The following INPP4B variants were observed in gnomAD, a reference collection of about 807,000 sequenced individuals.
INPP4B encodes the protein inositol polyphosphate-4-phosphatase type II B.
INPP4B carries 55 observed loss-of-function variants against 122.5 expected under a neutral mutation model. The ratio of observed to expected loss-of-function variants is 0.45; its 90% CI spans 0.36 to 0.56. The LOEUF (loss-of-function observed/expected upper bound fraction) is 0.56, where lower values mean the gene tolerates loss of function less well. Among genes scored for constraint, INPP4B ranks in the 20% least tolerant of loss-of-function variants. The pLI, the probability that INPP4B is intolerant of heterozygous loss-of-function variation, is 0.00. For missense variants in INPP4B, 1,000 were observed against 1,097.7 expected (o/e 0.91, Z 1.26); for synonymous variants, 403 against 388.7 (o/e 1.04, Z -0.43).
intron 23 of INPP4B, among the ~76,000 whole-genome samples, chr4:142,100,305 G>A (rs546113987): frequency 2.0e-5 from 3 of 152,058 alleles, no homozygotes; most frequent in Non-Finnish European, 4.4e-5. Context: ...CCTGGAAGTG[G>A]TTATATCTTT....
chr4:142,315,755 A>G (rs1767365709), intron 7 of INPP4B, among the ~76,000 whole-genome samples: 1 of 151,740 alleles, frequency 6.6e-6, no homozygotes. Flanking sequence ...TTAAATGAAT[A>G]TAAAGCAATA....
intron 3 of INPP4B, among the ~76,000 whole-genome samples, chr4:142,454,408 T>C (rs2149531989): frequency 6.6e-6 from 1 of 152,238 alleles, no homozygotes; most frequent in East Asian, 1.9e-4. Flanking sequence ...TGTTTACTAC[T>C]TAAAACCCAC....
chr4:142,668,831 G>A (rs554596515), intron 2 of INPP4B, among the ~76,000 whole-genome samples: 42 of 151,784 alleles, frequency 2.8e-4, no homozygotes, highest in East Asian at 1.9e-4. Flanking sequence ...GGCAGATCAC[G>A]AGGTCAGGAG....
At chr4:142,540,399 G>A (rs1271843062) in intron 2 of INPP4B, among the ~76,000 whole-genome samples, 1 of 151,724 alleles carries the variant, frequency 6.6e-6, no homozygotes, top group Non-Finnish European at 1.5e-5. Context: ...TACTGAAAAT[G>A]GTAACTCTCA....
At chr4:142,192,217 C>T (rs186443471) in intron 15 of INPP4B, among the ~76,000 whole-genome samples, 185 of 150,776 alleles carry the variant, frequency 1.2e-3, no homozygotes, top group Non-Finnish European at 1.8e-3. Flanking sequence ...AGATACTACG[C>T]TTATTACTTC....
intron 1 of INPP4B, among the ~76,000 whole-genome samples, chr4:142,839,382 C>T (rs1207592779): frequency 2.0e-5 from 3 of 152,016 alleles, no homozygotes; most frequent in Admixed American, 1.3e-4. Context: ...CACTGGAACC[C>T]GGGAGGCAGA....
At chr4:142,738,265 A>G (rs1004878374) in intron 1 of INPP4B, among the ~76,000 whole-genome samples, 1 of 152,206 alleles carries the variant, frequency 6.6e-6, no homozygotes, top group African/African-American at 2.4e-5. Context: ...TACACCATGG[A>G]ATACTATGCA....
chr4:142,705,458 A>AACACACACACACACACACACAC (rs56300337), intron 2 of INPP4B, among the ~76,000 whole-genome samples: 3 of 146,206 alleles, frequency 2.1e-5, no homozygotes, highest in African/African-American at 7.7e-5. Context: ...TCCCACCCCA[A>AACACACACACACACACACACAC]ACACACACAC....
At chr4:142,469,515 C>T (rs999579695) in intron 2 of INPP4B, among the ~76,000 whole-genome samples, 17 of 151,836 alleles carry the variant, frequency 1.1e-4, no homozygotes, top group African/African-American at 4.1e-4. Flanking sequence ...TTCCAAAGTT[C>T]ATTTGAAGAA....
chr4:142,397,770 T>C (rs1389584947), intron 7 of INPP4B, among the ~76,000 whole-genome samples: 3 of 151,276 alleles, frequency 2.0e-5, no homozygotes, highest in Non-Finnish European at 2.9e-5. Context: ...ACCTGGGAGG[T>C]GGAGGTTGCA....
At chr4:142,158,772 G>A (rs1818527244) in intron 17 of INPP4B, among the ~76,000 whole-genome samples, 1 of 151,528 alleles carries the variant, frequency 6.6e-6, no homozygotes. Flanking sequence ...GAAGGAGAGG[G>A]ACTATTTTCA....
At chr4:142,562,745 A>G (rs570750249) in intron 2 of INPP4B, among the ~76,000 whole-genome samples, 107 of 152,336 alleles carry the variant, frequency 7.0e-4, no homozygotes, top group Middle Eastern at 3.4e-3. Context: ...AGAGAAATAA[A>G]GAGAAAATAA....
intron 15 of INPP4B, among the ~76,000 whole-genome samples, chr4:142,181,017 G>A (rs964015408): frequency 6.6e-6 from 1 of 152,186 alleles, no homozygotes; most frequent in Non-Finnish European, 1.5e-5. Context: ...GGTAATCAGT[G>A]GATCATGTGT....
chr4:142,256,801 T>A (rs1406529930), intron 11 of INPP4B, among the ~76,000 whole-genome samples: 1 of 152,164 alleles, frequency 6.6e-6, no homozygotes, highest in Non-Finnish European at 1.5e-5. Context: ...TACCATTCCT[T>A]CTGAAACTGT....
At chr4:142,702,557 C>A (rs1225557654) in intron 2 of INPP4B, among the ~76,000 whole-genome samples, 1 of 151,958 alleles carries the variant, frequency 6.6e-6, no homozygotes, top group African/African-American at 2.4e-5. Flanking sequence ...GAAACCCCAT[C>A]TCTACTAAAA....
intron 5 of INPP4B, among the ~76,000 whole-genome samples, chr4:142,423,326 G>A (rs1807334913): frequency 6.6e-6 from 1 of 152,042 alleles, no homozygotes; most frequent in Non-Finnish European, 1.5e-5. Flanking sequence ...AAAGTGATGA[G>A]ACATTTTCTT....
intron 11 of INPP4B, among the ~76,000 whole-genome samples, chr4:142,239,236 A>G (rs183125363): frequency 6.6e-6 from 1 of 152,190 alleles, no homozygotes; most frequent in African/African-American, 2.4e-5. Context: ...TTGGTACCAT[A>G]ATGGAAATTT....
At chr4:142,318,721 G>T (rs938675458) in intron 7 of INPP4B, among the ~76,000 whole-genome samples, 1 of 151,972 alleles carries the variant, frequency 6.6e-6, no homozygotes, top group African/African-American at 2.4e-5. Flanking sequence ...ATTTTTTAAG[G>T]TTCATCTAAA....
At chr4:142,481,133 C>CAAAAAAAAAAAAAAAAAA (rs551228788) in intron 2 of INPP4B, among the ~76,000 whole-genome samples, 1 of 57,890 alleles carries the variant, frequency 1.7e-5, no homozygotes, top group Non-Finnish European at 3.7e-5. Flanking sequence ...GACTCTGTCT[C>CAAAAAAAAAAAAAAAAAA]AAAAAAAAAA....
Sources: gnomAD v4.1 joint callset for allele counts (sites outside exome capture counted in the v4.1 genomes callset) on GRCh38, gnomAD v4.1.1 for gene constraint, MANE v1.5 for transcripts, NCBI Gene and HGNC (gene_info 2026-07-23, HGNC 2026-07-21) for gene names.